BDH1: variants seen among roughly 807,000 people sequenced by gnomAD.
BDH1 encodes the protein D-beta-hydroxybutyrate dehydrogenase, mitochondrial.
A neutral mutation model predicts 33.1 loss-of-function variants in BDH1; 30 were observed. The ratio of observed to expected loss-of-function variants is 0.91; its 90% confidence interval spans 0.68 to 1.23. BDH1 has a LOEUF of 1.23. Ranked by LOEUF, BDH1 falls within the 50% of genes most tolerant of loss-of-function variation. BDH1 has a pLI of 0.00. For missense variants in BDH1, 443 were observed against 464.4 expected, an observed-to-expected ratio of 0.95 and a Z score of 0.42; for synonymous variants, 190 against 183.6, an observed-to-expected ratio of 1.03 and a Z score of -0.28.
rs147554172 is a variant in BDH1, at chr3:197,531,122, G to A, written c.267+1290C>T. ...TTAAAAATAGTGCTTTGGGCCAGAC[G>A]TGGTGGCTCACGCCTGTAATCCCAG... is the stretch of plus-strand genomic sequence containing the variant. On this transcript the variant is annotated intron_variant, in intron 5 of 7. Coordinates refer to ENST00000392379, the MANE Select transcript of BDH1 (RefSeq NM_203314.3). Among the ~76,000 whole-genome samples, 23 of 152,288 alleles carry A rather than the reference G, an allele frequency of 1.5e-4. 1 individual carries two copies. Among genetic ancestry groups the A allele is most frequent in the African/African-American group, 4.1e-4 (17 of 41,572 alleles).
chr3:197,550,176 C>T (rs906059328), intron 2 of BDH1, among the ~76,000 whole-genome samples: 3 of 152,100 alleles, frequency 2.0e-5, no homozygotes, highest in African/African-American at 7.2e-5. Context: ...GAAATAATTA[C>T]ACAGGAACAT....
intron 6 of BDH1, among the ~76,000 whole-genome samples, chr3:197,519,488 C>A (rs1348888572): frequency 6.6e-6 from 1 of 151,574 alleles, no homozygotes; most frequent in Non-Finnish European, 1.5e-5. Flanking sequence ...TTGTGAAACC[C>A]CTTCTTTACT....
chr3:197,514,354 G>A lies in BDH1; in HGVS notation c.472C>T (p.Leu158=), dbSNP rs1712451733. ...TCTGCCACCTGCTTGTAGGTCTCCA[G>A]GCTGGTGAACTCCACCTCCCCGAAC... ...STFGEVEFTS[L]ETYKQVAEVN... The change falls in exon 7 of 8, where the codon CTG becomes TTG. Residue 158 remains leucine (L), a synonymous_variant. Coordinates refer to ENST00000392379, the MANE Select transcript of BDH1 (RefSeq NM_203314.3). This position sits in a 1 kb window ranked among gnomAD's most constrained non-coding sequence, Gnocchi z 4.2. 6.2e-7 allele frequency: 1 copy of A among 1,613,598 alleles called. No individual in the cohort carries two copies. Among genetic ancestry groups the A allele is most frequent in the African/African-American group, 1.3e-5 (1 of 74,854 alleles).
At chr3:197,533,236 C>CCA (rs377001473) in intron 4 of BDH1, among the ~76,000 whole-genome samples, 2 of 151,868 alleles carry the variant, frequency 1.3e-5, no homozygotes, top group Non-Finnish European at 2.9e-5. Flanking sequence ...TCTCGCCCCC[C>CCA]ACCTAGGCCT....
intron 1 of BDH1, among the ~76,000 whole-genome samples, chr3:197,564,870 T>G (rs577465488): frequency 6.6e-6 from 1 of 152,354 alleles, no homozygotes; most frequent in Non-Finnish European, 1.5e-5. Context: ...TATAGATTGT[T>G]TATAAAATTT....
intron 6 of BDH1, among the ~76,000 whole-genome samples, chr3:197,518,951 C>G (rs560439457): frequency 1.5e-5 from 1 of 66,360 alleles, no homozygotes; most frequent in African/African-American, 6.6e-5. Context: ...CTCCATCCCC[C>G]CCTCAGTCAC....
intron 3 of BDH1, chr3:197,543,055 T>C (rs1172801572): frequency 1.3e-5 from 13 of 985,322 alleles, no homozygotes; most frequent in Non-Finnish European, 1.6e-5. Context: ...TGGCTTCTTC[T>C]CTATCTTACC....
chr3:197,561,218 A>G (rs1328990559), intron 1 of BDH1, among the ~76,000 whole-genome samples: 1 of 152,142 alleles, frequency 6.6e-6, no homozygotes, highest in East Asian at 1.9e-4. Context: ...TAGCAGCATG[A>G]GCTAACCTTA....
upstream of BDH1, among the ~76,000 whole-genome samples, chr3:197,556,953 A>C (rs1717076614): frequency 6.6e-6 from 1 of 152,240 alleles, no homozygotes; most frequent in Non-Finnish European, 1.5e-5. Context: ...GGGAAAGTCA[A>C]GCTGGGAACG....
At chr3:197,533,037 C>T (rs1714818581) in intron 4 of BDH1, among the ~76,000 whole-genome samples, 1 of 152,134 alleles carries the variant, frequency 6.6e-6, no homozygotes, top group African/African-American at 2.4e-5. Context: ...ACCTCCACGC[C>T]CGGCTAATTT....
At chr3:197,556,268 T>G (rs1717032487), upstream of BDH1, among the ~76,000 whole-genome samples, 1 of 152,222 alleles carries the variant, frequency 6.6e-6, no homozygotes, top group South Asian at 2.1e-4. Context: ...CTCCTTGAAG[T>G]GAGGAAAACT....
Position 197,554,831 on chromosome 3 carries a change from C to A in BDH1, c.-195-118G>T, listed in dbSNP as rs1045661788. On this transcript the variant is annotated intron_variant, in intron 1 of 7. Coordinates refer to ENST00000392379, the MANE Select transcript of BDH1 (RefSeq NM_203314.3). This position sits in a 1 kb window ranked among gnomAD's most constrained non-coding sequence, Gnocchi z 4.4. Reference sequence around the variant, plus strand: ...AGGACGCACGCCCAAGGCGCCTGGGCCGCTAGGGACCGACCGGAGCGCTCA... The same window carrying A: ...AGGACGCACGCCCAAGGCGCCTGGGACGCTAGGGACCGACCGGAGCGCTCA... 6 of 152,286 alleles carry A rather than the reference C, an allele frequency of 3.9e-5. No individual in the cohort carries two copies. Among genetic ancestry groups the A allele is most frequent in the Non-Finnish European group, 7.3e-5 (5 of 68,086 alleles). 9.4% of individuals were successfully genotyped at this position (152,286 alleles called of 1,614,324 possible).
intron 3 of BDH1, chr3:197,533,819 G>T: frequency 2.0e-6 from 1 of 492,078 alleles, no homozygotes; most frequent in Non-Finnish European, 3.6e-6. Flanking sequence ...CTTTTGTTGG[G>T]CAGGCTCTGC....
At chr3:197,532,033 G>A (rs774147715) in intron 5 of BDH1, among the ~76,000 whole-genome samples, 5 of 152,082 alleles carry the variant, frequency 3.3e-5, no homozygotes, top group Non-Finnish European at 5.9e-5. Context: ...CAGTCTCGCC[G>A]AACATTCTCG....
upstream of BDH1, among the ~76,000 whole-genome samples, chr3:197,558,424 G>A (rs1250122485): frequency 6.6e-6 from 1 of 152,182 alleles, no homozygotes; most frequent in Non-Finnish European, 1.5e-5. Context: ...GTTCTATGCA[G>A]CTCCTAAAAT....
At chr3:197,569,592 TAA>T (rs1717540444) in intron 1 of BDH1, among the ~76,000 whole-genome samples, 1 of 152,162 alleles carries the variant, frequency 6.6e-6, no homozygotes. Context: ...TGGTAGTGAA[TAA>T]GTTTCTCCCA....
chr3:197,510,598 GGGTGTGTGTGTGTGT>G lies in BDH1; in HGVS notation c.*1282_*1296del, dbSNP rs1711814467. ...GCCACGCTGAAGCCCTGCAGAACAG[GGGTGTGTGTGTGTGT>G]GTGTGTGTGTGTGTGTGTGTGTGTG... is the stretch of plus-strand genomic sequence containing the variant. On this transcript the variant is annotated 3_prime_UTR_variant, in exon 8 of 8. Transcript: ENST00000392379. 2.4e-5 allele frequency: 3 copies of G among 123,328 alleles called. No individual in the cohort carries two copies. The highest frequency in any genetic ancestry group is 5.0e-5 in the Non-Finnish European group (3 of 60,138). The allele number at this position is 123,328 out of a possible 1,614,324, so 7.6% of individuals were successfully genotyped here.
intron 3 of BDH1, among the ~76,000 whole-genome samples, chr3:197,535,647 A>T (rs1235191094): frequency 1.3e-5 from 2 of 152,184 alleles, no homozygotes. Context: ...TAACCCCTAA[A>T]TAAAGTCTAG....
chr3:197,535,724 G>T (rs1416797308), intron 3 of BDH1, among the ~76,000 whole-genome samples: 3 of 152,146 alleles, frequency 2.0e-5, no homozygotes, highest in Admixed American at 1.3e-4. Context: ...AGGACCCAAA[G>T]ATTTTCTTCT....
Sources: gnomAD v4.1 joint callset for allele counts (sites outside exome capture counted in the v4.1 genomes callset) on GRCh38, gnomAD v4.1.1 for gene constraint, Gnocchi (gnomAD v3.1) non-coding constraint, MANE v1.5 for transcripts, NCBI Gene and HGNC (gene_info 2026-07-23, HGNC 2026-07-21) for gene names.